TEX9: variants seen among roughly 807,000 people sequenced by gnomAD.
TEX9 encodes testis-expressed protein 9.
In TEX9, 74 loss-of-function variants were observed where a neutral mutation model predicts 59.6. That is an observed-to-expected ratio of 1.24 (90% CI 1.03 to 1.51). The LOEUF (loss-of-function observed/expected upper bound fraction) is 1.51, where lower values mean the gene tolerates loss of function less well. Ranked by LOEUF, TEX9 falls within the 40% of genes most tolerant of loss-of-function variation. The probability of loss-of-function intolerance (pLI) is 0.00; values close to 1 mark genes in which losing one functional copy is unlikely to be tolerated. For synonymous variants in TEX9, 186 were observed against 152.2 expected (o/e 1.22, Z -1.64); for missense variants, 522 against 447.8 (o/e 1.17, Z -1.49).
chr15:56,370,731 G>A (rs2047157311), intron 2 of TEX9, among the ~76,000 whole-genome samples: 1 of 152,108 alleles, frequency 6.6e-6, no homozygotes. Flanking sequence ...TTAAAATTCT[G>A]TATTTTCACT....
chr15:56,253,304 A>G (rs2044071939), intron 1 of TEX9, among the ~76,000 whole-genome samples: 1 of 152,120 alleles, frequency 6.6e-6, no homozygotes, highest in Non-Finnish European at 1.5e-5. Context: ...AAACCCCAAA[A>G]ATCATAAAAC....
At chr15:56,343,649 C>T (rs2046413852) in intron 1 of TEX9, among the ~76,000 whole-genome samples, 1 of 152,048 alleles carries the variant, frequency 6.6e-6, no homozygotes, top group Non-Finnish European at 1.5e-5. Flanking sequence ...ATGAAATGAA[C>T]TGACACCTTA....
At chr15:56,349,098 A>T (rs1316393812) in intron 1 of TEX9, among the ~76,000 whole-genome samples, 2 of 152,144 alleles carry the variant, frequency 1.3e-5, no homozygotes, top group Admixed American at 1.3e-4. Context: ...TAATTCCAAC[A>T]TCTGGGTCTT....
At chr15:56,459,781 G>T in the TEX9 span, among the ~76,000 whole-genome samples, 1 of 150,930 alleles carries the variant, frequency 6.6e-6, no homozygotes, top group Non-Finnish European at 1.5e-5. Context: ...ATCTTAGGTT[G>T]GGAGTTGGAG....
intron 12 of TEX9, chr15:56,430,066 C>G (rs1295890918): frequency 6.6e-6 from 1 of 152,110 alleles, no homozygotes; most frequent in African/African-American, 2.4e-5. Flanking sequence ...ATATCTTTTT[C>G]CTTCCTTAGC....
At chr15:56,360,662 C>T (rs1359774297), upstream of TEX9, among the ~76,000 whole-genome samples, 1 of 152,120 alleles carries the variant, frequency 6.6e-6, no homozygotes, top group African/African-American at 2.4e-5. Context: ...GAAACTGCTT[C>T]CTCCTGGGGC....
intron 1 of TEX9, among the ~76,000 whole-genome samples, chr15:56,324,265 A>G (rs1382781007): frequency 6.6e-6 from 1 of 152,168 alleles, no homozygotes; most frequent in Non-Finnish European, 1.5e-5. Context: ...AAAAAAAGAA[A>G]CAGTACAAGT....
chr15:56,345,145 A>T (rs1418510526), intron 1 of TEX9, among the ~76,000 whole-genome samples: 2 of 150,922 alleles, frequency 1.3e-5, no homozygotes, highest in Admixed American at 6.6e-5. Flanking sequence ...ATAATCTTCT[A>T]AATGCAGATA....
At chr15:56,399,274 A>C (rs563047018) in intron 9 of TEX9, among the ~76,000 whole-genome samples, 2 of 152,352 alleles carry the variant, frequency 1.3e-5, no homozygotes, top group East Asian at 3.9e-4. Flanking sequence ...CGCTTTTCCC[A>C]AGGTCTTAGC....
upstream of TEX9, among the ~76,000 whole-genome samples, chr15:56,364,023 G>C (rs1437432512): frequency 6.6e-6 from 1 of 151,754 alleles, no homozygotes; most frequent in Non-Finnish European, 1.5e-5. Context: ...CCAGACACAA[G>C]TTATTTATCA....
upstream of TEX9, among the ~76,000 whole-genome samples, chr15:56,361,135 G>C (rs2046781853): frequency 1.3e-5 from 2 of 152,100 alleles, no homozygotes; most frequent in South Asian, 4.1e-4. Context: ...TTCTTGGTTA[G>C]CACAGCTATA....
chr15:56,370,488 C>A (rs2047145667), intron 2 of TEX9, among the ~76,000 whole-genome samples: 1 of 152,122 alleles, frequency 6.6e-6, no homozygotes, highest in African/African-American at 2.4e-5. Flanking sequence ...TGTTACTTTG[C>A]ATTTATTCTT....
chr15:56,396,202 C>T (rs948076053), intron 9 of TEX9: 2 of 152,076 alleles, frequency 1.3e-5, no homozygotes, highest in African/African-American at 4.8e-5. Flanking sequence ...AGTACCCTTA[C>T]ATTTCTCGTT....
intron 2 of TEX9, chr15:56,365,968 G>T (rs2046923101): frequency 9.8e-7 from 1 of 1,022,742 alleles, no homozygotes; most frequent in East Asian, 5.4e-5. Flanking sequence ...TGGGTAGCAG[G>T]AATTGCCACG....
chr15:56,283,654 A>G (rs891204503), intron 1 of TEX9, among the ~76,000 whole-genome samples: 2 of 152,226 alleles, frequency 1.3e-5, no homozygotes, highest in South Asian at 4.1e-4. Flanking sequence ...AAACATAGGA[A>G]AAATAAATGT....
chr15:56,402,409 C>A (rs1428904318), intron 9 of TEX9, among the ~76,000 whole-genome samples: 1 of 152,158 alleles, frequency 6.6e-6, no homozygotes, highest in Non-Finnish European at 1.5e-5. Flanking sequence ...AATTCCTGGA[C>A]ACATACACCC....
chr15:56,287,769 T>C (rs1188387294), intron 1 of TEX9, among the ~76,000 whole-genome samples: 1 of 152,210 alleles, frequency 6.6e-6, no homozygotes, highest in African/African-American at 2.4e-5. Flanking sequence ...TGAGAACATA[T>C]GGTATTTGTT....
Position 56,332,844 on chromosome 15 carries a change from A to G in TEX9, c.-106-40597A>G, listed in dbSNP as rs140113328. The stretch of plus-strand genomic sequence containing the variant: ...CAGAGGTGAAAAAGGAGACATTACA[A>G]CTGATAAAGCAGAAGCTTGAAGGAT... On this transcript the variant is annotated intron_variant, in intron 1 of 5. Transcript: ENST00000560827. Among the ~76,000 whole-genome samples, 20 of 152,284 alleles carry G rather than the reference A, an allele frequency of 1.3e-4. No homozygotes were observed. The East Asian group carries it at 3.9e-3, about 29-fold the overall frequency.
chr15:56,423,235 A>G (rs2050067982), intron 10 of TEX9, among the ~76,000 whole-genome samples: 1 of 152,158 alleles, frequency 6.6e-6, no homozygotes, highest in Non-Finnish European at 1.5e-5. Context: ...CCCTCTTAGC[A>G]GTGCTTATAC....
Sources: gnomAD v4.1 joint callset for allele counts (sites outside exome capture counted in the v4.1 genomes callset) on GRCh38, gnomAD v4.1.1 for gene constraint, MANE v1.5 for transcripts, NCBI Gene and HGNC (gene_info 2026-07-23, HGNC 2026-07-21) for gene names.